Variants in LRRC4C observed in about 807,000 individuals in gnomAD.
The protein encoded by LRRC4C is leucine-rich repeat-containing protein 4C.
A neutral mutation model predicts 33.6 loss-of-function variants in LRRC4C; 5 were observed. The ratio of observed to expected loss-of-function variants is 0.15; its 90% CI spans 0.08 to 0.31. The LOEUF is 0.31. LRRC4C is among the 10% of genes least tolerant of loss of function. The probability of loss-of-function intolerance (pLI) is 1.00; values close to 1 mark genes in which losing one functional copy is unlikely to be tolerated. For synonymous variants in LRRC4C, 329 were observed against 302.0 expected, an observed-to-expected ratio of 1.09 and a Z score of -0.93; for missense variants, 560 against 796.7, an observed-to-expected ratio of 0.70 and a Z score of 3.58.
chr11:41,266,999 C>A (rs1244205168), intron 1 of LRRC4C, among the ~76,000 whole-genome samples: 1 of 152,122 alleles, frequency 6.6e-6, no homozygotes, highest in Admixed American at 6.6e-5. Context: ...GTCCAGTAAA[C>A]AACTCACAAA....
intron 1 of LRRC4C, among the ~76,000 whole-genome samples, chr11:41,408,749 A>C (rs1305682501): frequency 1.6e-4 from 1 of 6,310 alleles, no homozygotes; most frequent in Non-Finnish European, 1.6e-3. Flanking sequence ...TATTTTTGTA[A>C]AAAAAAAAAA....
intron 1 of LRRC4C, among the ~76,000 whole-genome samples, chr11:41,360,269 A>G (rs1952307329): frequency 6.6e-6 from 1 of 152,226 alleles, no homozygotes; most frequent in Admixed American, 6.5e-5. Flanking sequence ...AAAGCTAGTT[A>G]GCATGGTGTA....
At chr11:40,398,383 T>C (rs1363268064) in intron 3 of LRRC4C, among the ~76,000 whole-genome samples, 1 of 152,094 alleles carries the variant, frequency 6.6e-6, no homozygotes, top group Non-Finnish European at 1.5e-5. Flanking sequence ...ATTAGCTTCA[T>C]GAGCCAAGAG....
chr11:41,182,013 G>A (rs1173946209), intron 1 of LRRC4C, among the ~76,000 whole-genome samples: 3 of 152,146 alleles, frequency 2.0e-5, no homozygotes, highest in African/African-American at 7.2e-5. Context: ...TTCAGTATAA[G>A]TGCATCCCAA....
chr11:41,306,243 G>A (rs1477084423), intron 1 of LRRC4C, among the ~76,000 whole-genome samples: 2 of 152,072 alleles, frequency 1.3e-5, no homozygotes, highest in Non-Finnish European at 2.9e-5. Flanking sequence ...AACATACAAC[G>A]ATTCTACCTT....
intron 1 of LRRC4C, among the ~76,000 whole-genome samples, chr11:40,965,627 T>A (rs1327226186): frequency 6.6e-6 from 1 of 152,162 alleles, no homozygotes; most frequent in East Asian, 1.9e-4. Context: ...AAATAGGGAA[T>A]CCTTTCCCCA....
At chr11:41,233,308 GT>G (rs1036800915) in intron 1 of LRRC4C, among the ~76,000 whole-genome samples, 1 of 151,934 alleles carries the variant, frequency 6.6e-6, no homozygotes, top group African/African-American at 2.4e-5. Context: ...AACATGGAAT[GT>G]TGGCCTTAGG....
chr11:41,338,622 T>C (rs1437238308), intron 1 of LRRC4C, among the ~76,000 whole-genome samples: 1 of 152,054 alleles, frequency 6.6e-6, no homozygotes, highest in Non-Finnish European at 1.5e-5. Flanking sequence ...GGTTGATAGA[T>C]GGAGCAAACC....
At chr11:40,621,278 A>T (rs1173909954) in intron 3 of LRRC4C, among the ~76,000 whole-genome samples, 2 of 151,566 alleles carry the variant, frequency 1.3e-5, no homozygotes, top group Non-Finnish European at 3.0e-5. Context: ...AATAATGGGA[A>T]CATTTTTAGG....
intron 3 of LRRC4C, among the ~76,000 whole-genome samples, chr11:40,394,411 T>C (rs1949457583): frequency 6.6e-6 from 1 of 152,190 alleles, no homozygotes; most frequent in Non-Finnish European, 1.5e-5. Flanking sequence ...AGACAGGAGC[T>C]AAAGAGCTGG....
At chr11:41,158,449 A>T (rs138637091) in intron 1 of LRRC4C, among the ~76,000 whole-genome samples, 128 of 152,238 alleles carry the variant, frequency 8.4e-4, no homozygotes, top group African/African-American at 3.0e-3. Flanking sequence ...ATTAGAGTTA[A>T]TAGTCACAGG....
chr11:40,849,156 G>C (rs932339580), intron 2 of LRRC4C, among the ~76,000 whole-genome samples: 1 of 152,156 alleles, frequency 6.6e-6, no homozygotes, highest in Non-Finnish European at 1.5e-5. Flanking sequence ...GTTTACTAAT[G>C]CTATGTGTAA....
chr11:40,527,096 C>T (rs1029677141), intron 3 of LRRC4C, among the ~76,000 whole-genome samples: 1 of 152,092 alleles, frequency 6.6e-6, no homozygotes, highest in Non-Finnish European at 1.5e-5. Flanking sequence ...GAGATCAATA[C>T]AGTCATCACC....
intron 1 of LRRC4C, among the ~76,000 whole-genome samples, chr11:41,388,586 T>C (rs1953455997): frequency 6.6e-6 from 1 of 151,928 alleles, no homozygotes; most frequent in Non-Finnish European, 1.5e-5. Context: ...AACTGTGCCT[T>C]GAAGAATCAG....
intron 3 of LRRC4C, among the ~76,000 whole-genome samples, chr11:40,636,638 G>A (rs535407817): frequency 6.6e-6 from 1 of 152,190 alleles, no homozygotes; most frequent in South Asian, 2.1e-4. Flanking sequence ...CTTTCTTGAA[G>A]AGGTGGCTAC....
Position 40,480,701 on chromosome 11 carries a change from C to T in LRRC4C, c.-269-160980G>A, listed in dbSNP as rs765564474. Among the ~76,000 whole-genome samples the T allele has an allele frequency of 4.0e-5, 6 of 151,796 alleles. No homozygotes were observed. The South Asian group carries it at 8.3e-4, about 21-fold the overall frequency. ...TATACCATATATATGTATATATACA[C>T]GCAATAGAATATACACATTAGAATA... On this transcript the variant is annotated intron_variant, in intron 3 of 6. Transcript: ENST00000528697.
At chr11:40,964,612 T>C (rs1851208956) in intron 1 of LRRC4C, among the ~76,000 whole-genome samples, 1 of 148,464 alleles carries the variant, frequency 6.7e-6, no homozygotes, top group South Asian at 2.2e-4. Flanking sequence ...TGAGTGAGAA[T>C]ATGCGGTGTT....
intron 3 of LRRC4C, among the ~76,000 whole-genome samples, chr11:40,450,270 C>T (rs570483374): frequency 1.7e-4 from 26 of 152,180 alleles, no homozygotes; most frequent in South Asian, 6.2e-4. Context: ...TTGATGTAAA[C>T]AGACTTCTAG....
intron 3 of LRRC4C, chr11:40,445,493 C>T (rs1047840856): frequency 6.4e-6 from 1 of 156,158 alleles, no homozygotes; most frequent in African/African-American, 2.4e-5. Flanking sequence ...GATTTTCCAA[C>T]ATTCATGACA....
Sources: allele counts gnomAD v4.1 joint callset (sites outside exome capture counted in the v4.1 genomes callset), GRCh38; gene constraint gnomAD v4.1.1; transcripts MANE v1.5; gene names NCBI Gene and HGNC (gene_info 2026-07-23, HGNC 2026-07-21).